Variants in LRTM1 observed in about 807,000 individuals in gnomAD.
LRTM1 encodes the protein leucine rich repeat transmembrane protein 1.
A neutral mutation model predicts 32.4 loss-of-function variants in LRTM1; 38 were observed. That is an observed-to-expected ratio of 1.17 (90% CI 0.91 to 1.54). LRTM1 has a LOEUF of 1.54. LRTM1 is among the 40% of genes most tolerant of loss of function. The pLI, the probability that LRTM1 is intolerant of heterozygous loss-of-function variation, is 0.00. For synonymous variants in LRTM1, 186 were observed against 169.9 expected (o/e 1.09, Z -0.74); for missense variants, 466 against 415.4 (o/e 1.12, Z -1.06).
rs752626654 is a variant in LRTM1, at chr3:54,918,904, A to G, written c.605-12T>C. Reference sequence around the variant, plus strand: ...GTCTGTTAGTCCCCCTTTAAAAAACAAAAGCAAAGAACAATAACAAAGCCT... The same window carrying G: ...GTCTGTTAGTCCCCCTTTAAAAAACGAAAGCAAAGAACAATAACAAAGCCT... On this transcript the variant is annotated splice_polypyrimidine_tract_variant and intron_variant, in intron 2 of 2. Coordinates refer to ENST00000273286, the MANE Select transcript of LRTM1 (RefSeq NM_020678.4). 6.6e-6 allele frequency: 10 copies of G among 1,515,326 alleles called. No individual in the cohort carries two copies. The highest frequency in any genetic ancestry group is 8.8e-6 in the Non-Finnish European group (10 of 1,131,678). The allele number at this position is 1,515,326 out of a possible 1,614,324, so 93.9% of individuals were successfully genotyped here. A position where few individuals can be genotyped will look rare whatever the true frequency, so the allele number is the denominator to read the frequency against.
chr3:54,940,160 G>A (rs1701431250), intron 1 of LRTM1, among the ~76,000 whole-genome samples: 1 of 152,176 alleles, frequency 6.6e-6, no homozygotes, highest in African/African-American at 2.4e-5. Context: ...CACACTCCCA[G>A]TAAGAAGCAT....
intron 1 of LRTM1, among the ~76,000 whole-genome samples, chr3:54,947,673 A>G (rs912106050): frequency 1.2e-4 from 19 of 152,124 alleles, no homozygotes; most frequent in African/African-American, 4.6e-4. Context: ...GCTATACCCC[A>G]TGAAAATAAG....
rs147452835 is a variant in LRTM1, at chr3:54,927,936, G to A, written c.-25C>T. 1 of 1,613,138 alleles carries A rather than the reference G, an allele frequency of 6.2e-7. No individual in the cohort carries two copies. Among genetic ancestry groups the A allele is most frequent in the South Asian group, 1.1e-5 (1 of 91,046 alleles). The stretch of plus-strand genomic sequence containing the variant: ...TGACTGAGTCTCCTTGGGCGTCCTT[G>A]CTGACCTCGTAGACCCTTTAATTAA... On this transcript the variant is annotated 5_prime_UTR_variant, in exon 1 of 3. Transcript: ENST00000273286.
At chr3:54,919,487 A>T (rs1448735131) in intron 2 of LRTM1, among the ~76,000 whole-genome samples, 2 of 152,208 alleles carry the variant, frequency 1.3e-5, no homozygotes. Context: ...GTGTCTCCTC[A>T]GGCCTCAGAA....
intron 1 of LRTM1, among the ~76,000 whole-genome samples, chr3:54,939,157 A>C (rs1701397923): frequency 6.6e-6 from 1 of 152,208 alleles, no homozygotes; most frequent in Non-Finnish European, 1.5e-5. Context: ...GGCTGAATCC[A>C]ACATCTGAAA....
chr3:54,931,374 A>G (rs1012325563), upstream of LRTM1, among the ~76,000 whole-genome samples: 1 of 152,182 alleles, frequency 6.6e-6, no homozygotes, highest in Non-Finnish European at 1.5e-5. Flanking sequence ...AGGCTGATTG[A>G]TTTATTCCAT....
chr3:54,950,618 T>C (rs1448275657), intron 1 of LRTM1, among the ~76,000 whole-genome samples: 1 of 152,206 alleles, frequency 6.6e-6, no homozygotes, highest in Non-Finnish European at 1.5e-5. Flanking sequence ...AGAGTGGACC[T>C]GCACAGCTCC....
chr3:54,964,677 A>G lies in LRTM1; in HGVS notation c.-222+2251T>C, dbSNP rs570830849. Among the ~76,000 whole-genome samples the G allele has an allele frequency of 5.3e-5, 8 of 152,262 alleles. No individual in the cohort carries two copies. The East Asian group carries it at 1.5e-3, about 29-fold the overall frequency. ...GAAAAGAAAAATGTGGACCAAAACT[A>G]AGGAAAATAGTGAAAGGAAGCTACA... On this transcript the variant is annotated intron_variant, in intron 1 of 2. Transcript: ENST00000493075.
chr3:54,961,994 G>C (rs770385489), intron 1 of LRTM1, among the ~76,000 whole-genome samples: 6 of 152,056 alleles, frequency 3.9e-5, no homozygotes, highest in Non-Finnish European at 8.8e-5. Context: ...GACTGAGCGT[G>C]CTCACTCAGG....
chr3:54,922,962 C>G (rs1700896904), intron 2 of LRTM1, among the ~76,000 whole-genome samples: 1 of 152,186 alleles, frequency 6.6e-6, no homozygotes, highest in South Asian at 2.1e-4. Flanking sequence ...GCAATGTCTG[C>G]CAGTTCAGTA....
At chr3:54,937,348 T>C (rs961247708) in intron 1 of LRTM1, among the ~76,000 whole-genome samples, 1 of 152,162 alleles carries the variant, frequency 6.6e-6, no homozygotes, top group Admixed American at 6.5e-5. Context: ...ATTATACCAC[T>C]ATGCAAATAC....
intron 1 of LRTM1, among the ~76,000 whole-genome samples, chr3:54,952,483 CAT>C (rs1292809001): frequency 6.6e-6 from 1 of 152,200 alleles, no homozygotes; most frequent in South Asian, 2.1e-4. Context: ...AAAAATAAAA[CAT>C]GAGGCAAAAA....
Position 54,934,676 on chromosome 3 carries a change from A to G in LRTM1, c.-221-9461T>C, listed in dbSNP as rs78752539. ...AGGTTCTGTGTAGACTAGAAAAGAT[A>G]TTGCATACTGGTTCCTGGTCTTCAA... On this transcript the variant is annotated intron_variant, in intron 1 of 2. Transcript: ENST00000493075. Among the ~76,000 whole-genome samples the G allele has an allele frequency of 6.3e-3, 956 of 152,226 alleles. 17 individuals are homozygous for G. Among genetic ancestry groups the G allele is most frequent in the African/African-American group, 0.022 (924 of 41,538 alleles).
chr3:54,937,867 T>A (rs1701369435), intron 1 of LRTM1, among the ~76,000 whole-genome samples: 1 of 152,082 alleles, frequency 6.6e-6, no homozygotes, highest in African/African-American at 2.4e-5. Flanking sequence ...GGCAAGCAGG[T>A]GCTGGAGAAG....
rs370974347 is a variant in LRTM1 at position 54,925,187 on chromosome 3, A to T, written c.36T>A (p.Ile12=). ...AGCTGCATACCACCTGGAGCAGGACAATCACACTGGAAAACAGGAGCAGTT... is the reference window on the plus strand; with the variant it reads ...AGCTGCATACCACCTGGAGCAGGACTATCACACTGGAAAACAGGAGCAGTT... The part of the protein sequence containing the change: ...KGELLLFSSV[I]VLLQVVCSCP... The change falls in exon 2 of 3, where the codon ATT becomes ATA. Residue 12 remains isoleucine, a synonymous_variant. Transcript: ENST00000273286. The T allele has an allele frequency of 1.2e-6, 2 of 1,613,100 alleles. No individual in the cohort carries two copies. The highest frequency in any genetic ancestry group is 4.5e-5 in the East Asian group (2 of 44,832).
chr3:54,960,563 A>G (rs1702006907), intron 1 of LRTM1, among the ~76,000 whole-genome samples: 1 of 152,174 alleles, frequency 6.6e-6, no homozygotes, highest in Non-Finnish European at 1.5e-5. Flanking sequence ...TAACAAATGC[A>G]TATTGCTTTG....
intron 1 of LRTM1, among the ~76,000 whole-genome samples, chr3:54,935,448 A>T (rs1701304181): frequency 6.6e-6 from 1 of 152,230 alleles, no homozygotes; most frequent in South Asian, 2.1e-4. Flanking sequence ...ATGCTAGTTG[A>T]CATAAAGTTA....
At chr3:54,946,393 A>C (rs1229827872) in intron 1 of LRTM1, among the ~76,000 whole-genome samples, 1 of 152,198 alleles carries the variant, frequency 6.6e-6, no homozygotes, top group Non-Finnish European at 1.5e-5. Flanking sequence ...GGAACACCTG[A>C]GCTGTCACAT....
chr3:54,944,423 T>TTTAG (rs1701557034), intron 1 of LRTM1, among the ~76,000 whole-genome samples: 1 of 148,400 alleles, frequency 6.7e-6, no homozygotes, highest in Non-Finnish European at 1.5e-5. Flanking sequence ...TATTTATTTA[T>TTTAG]TTATTTATTT....
Sources: gnomAD v4.1 joint callset for allele counts (sites outside exome capture counted in the v4.1 genomes callset) on GRCh38, gnomAD v4.1.1 for gene constraint, MANE v1.5 for transcripts, NCBI Gene and HGNC (gene_info 2026-07-23, HGNC 2026-07-21) for gene names.